DOCK2: variants seen among roughly 807,000 people sequenced by gnomAD.
DOCK2 encodes dedicator of cytokinesis 2.
A neutral mutation model predicts 248.9 loss-of-function variants in DOCK2; 87 were observed. That is an observed-to-expected ratio of 0.35 (90% CI 0.29 to 0.42). DOCK2 has a LOEUF of 0.42. DOCK2 is among the 10% of genes least tolerant of loss of function. DOCK2 has a pLI of 1.00. For missense variants in DOCK2, 1,747 were observed against 2,300.2 expected (o/e 0.76, Z 4.92); for synonymous variants, 805 against 821.6 (o/e 0.98, Z 0.35).
intron 27 of DOCK2, among the ~76,000 whole-genome samples, chr5:169,914,844 C>A (rs1774789019): frequency 6.6e-6 from 1 of 152,230 alleles, no homozygotes; most frequent in Non-Finnish European, 1.5e-5. Context: ...ACTTTTGCAT[C>A]CCATGGAGTA....
intron 27 of DOCK2, among the ~76,000 whole-genome samples, chr5:169,952,434 A>T (rs1010497476): frequency 1.4e-4 from 22 of 152,076 alleles, no homozygotes; most frequent in African/African-American, 4.1e-4. Flanking sequence ...AAGGACAAAC[A>T]GAGAAGTAGC....
chr5:169,741,168 GT>G (rs1431553646), intron 22 of DOCK2, among the ~76,000 whole-genome samples: 1 of 152,182 alleles, frequency 6.6e-6, no homozygotes, highest in Non-Finnish European at 1.5e-5. Context: ...CAGATTCTGT[GT>G]CTTTGCAATT....
intron 27 of DOCK2, among the ~76,000 whole-genome samples, chr5:169,926,067 T>A (rs1561829373): frequency 2.6e-5 from 4 of 152,188 alleles, no homozygotes; most frequent in Non-Finnish European, 5.9e-5. Context: ...AGAGCTGAGC[T>A]TAGAAAAGAG....
At chr5:169,765,676 A>C (rs1362604666) in intron 25 of DOCK2, among the ~76,000 whole-genome samples, 1 of 152,174 alleles carries the variant, frequency 6.6e-6, no homozygotes, top group Non-Finnish European at 1.5e-5. Context: ...TTCCAAAACA[A>C]ACACAGAGAG....
intron 47 of DOCK2, 93 bp downstream of exon 47, chr5:170,076,177 A>G: frequency 1.3e-6 from 2 of 1,505,532 alleles, no homozygotes; most frequent in Non-Finnish European, 1.8e-6. Context: ...GATCCAGCAA[A>G]GGAAGCTGCT....
At chr5:169,888,117 G>T (rs1445451862) in intron 27 of DOCK2, among the ~76,000 whole-genome samples, 1 of 152,210 alleles carries the variant, frequency 6.6e-6, no homozygotes, top group Non-Finnish European at 1.5e-5. Context: ...AGCCTAGGAA[G>T]TTTAGGAAAT....
intron 42 of DOCK2, among the ~76,000 whole-genome samples, chr5:170,055,682 A>G (rs962649074): frequency 6.6e-5 from 10 of 152,240 alleles, no homozygotes; most frequent in Admixed American, 6.5e-4. Context: ...GCTCAGGTTG[A>G]TCTCAGAGTG....
chr5:169,984,102 C>T (rs1157535540), intron 28 of DOCK2, among the ~76,000 whole-genome samples: 1 of 152,096 alleles, frequency 6.6e-6, no homozygotes, highest in East Asian at 1.9e-4. Context: ...CTTACATAAC[C>T]CTCACAAAAG....
At chr5:170,060,981 TATC>T (rs1456572664) in intron 44 of DOCK2, among the ~76,000 whole-genome samples, 15 of 151,934 alleles carry the variant, frequency 9.9e-5, no homozygotes, top group African/African-American at 3.6e-4. Flanking sequence ...AGTGAGCCGA[TATC>T]ATGCCATTGC....
At chr5:169,799,895 C>A (rs1766864084) in intron 25 of DOCK2, among the ~76,000 whole-genome samples, 1 of 152,062 alleles carries the variant, frequency 6.6e-6, no homozygotes, top group South Asian at 2.1e-4. Flanking sequence ...GCAGCCTTTA[C>A]TTCCTGGGCT....
At chr5:169,717,726 G>C (rs750972092) in intron 21 of DOCK2, among the ~76,000 whole-genome samples, 1 of 152,184 alleles carries the variant, frequency 6.6e-6, no homozygotes, top group Non-Finnish European at 1.5e-5. Context: ...CATCCATTCA[G>C]CTAGCGTGCT....
At chr5:170,048,422 A>G (rs559676104) in intron 40 of DOCK2, among the ~76,000 whole-genome samples, 2 of 152,314 alleles carry the variant, frequency 1.3e-5, no homozygotes, top group Admixed American at 6.5e-5. Context: ...TTAAAAATAA[A>G]AATAGCACTA....
rs1260570830 is a variant in DOCK2 at position 169,637,317 on chromosome 5, C to G, written c.-10C>G. On this transcript the variant is annotated 5_prime_UTR_variant, in exon 1 of 52. Transcript: ENST00000520908. ...TTCCCCACGGGAGGACGCGAGGCCC[C>G]GGCCCAGCCATGGCCCCCTGGCGCA... 1.4e-6 allele frequency: 2 copies of G among 1,425,040 alleles called. No homozygotes were observed. The highest frequency in any genetic ancestry group is 1.8e-6 in the Non-Finnish European group (2 of 1,091,496). 88.3% of individuals were successfully genotyped at this position (1,425,040 alleles called of 1,614,324 possible). A position where few individuals can be genotyped will look rare whatever the true frequency, so the allele number is the denominator to read the frequency against.
intron 22 of DOCK2, among the ~76,000 whole-genome samples, chr5:169,734,036 T>TATTCTCTAGTTCTCATAA: frequency 6.6e-6 from 1 of 152,288 alleles, no homozygotes; most frequent in African/African-American, 2.4e-5. Flanking sequence ...GACCTCATTA[T>TATTCTCTAGTTCTCATAA]ATTCTCTAGT....
rs868167317 is a variant in DOCK2, at chr5:169,669,198, T to C, written c.128-90T>C. 5.0e-5 allele frequency: 77 copies of C among 1,527,228 alleles called. 1 individual carries two copies. The South Asian group carries it at 7.8e-4, about 15-fold the overall frequency. The allele number at this position is 1,527,228 out of a possible 1,614,324, so 94.6% of individuals were successfully genotyped here. On this transcript the variant is annotated intron_variant, in intron 2 of 51. Transcript: ENST00000520908. ...CTAAAGCAATTTGCAGTAGTTTTAC[T>C]AGTTTAAAACAAAACAAAACAAAAC... is the stretch of plus-strand genomic sequence containing the variant.
chr5:169,993,880 TAAATAACCC>T (rs1343881361), intron 29 of DOCK2, among the ~76,000 whole-genome samples: 1 of 152,194 alleles, frequency 6.6e-6, no homozygotes, highest in Non-Finnish European at 1.5e-5. Context: ...AGCTAAGGTG[TAAATAACCC>T]AACCTTCTTG....
intron 25 of DOCK2, among the ~76,000 whole-genome samples, chr5:169,792,451 ATGTGTG>A (rs56969878): frequency 1.3e-5 from 2 of 149,210 alleles, no homozygotes; most frequent in African/African-American, 2.5e-5. Flanking sequence ...TATTTTATAT[ATGTGTG>A]TGTGTGTGTG....
At chr5:169,881,479 C>T (rs369645680) in intron 27 of DOCK2, 2 of 1,513,646 alleles carry the variant, frequency 1.3e-6, no homozygotes, top group Admixed American at 2.0e-5. Context: ...AATCTATGGG[C>T]AAAAGTCACG....
At chr5:169,674,147 C>T (rs1401400945) in intron 5 of DOCK2, 150 bp from the exon 6 acceptor site, 10 of 797,368 alleles carry the variant, frequency 1.3e-5, no homozygotes, top group Non-Finnish European at 1.7e-5. Flanking sequence ...CGACTAGGAC[C>T]CCCACCTAAT....
Sources: gnomAD v4.1 joint callset for allele counts (sites outside exome capture counted in the v4.1 genomes callset) on GRCh38, gnomAD v4.1.1 for gene constraint, MANE v1.5 for transcripts, NCBI Gene and HGNC (gene_info 2026-07-23, HGNC 2026-07-21) for gene names.